The following PARG variants were observed in gnomAD, a reference collection of about 807,000 sequenced individuals.
The protein encoded by PARG is poly(ADP-ribose) glycohydrolase.
In PARG, 35 loss-of-function variants were observed where a neutral mutation model predicts 113.0. The observed-to-expected ratio is 0.31, with a 90% CI of 0.24 to 0.41. The LOEUF (loss-of-function observed/expected upper bound fraction) is 0.41, where lower values mean the gene tolerates loss of function less well. PARG is among the 10% of genes least tolerant of loss of function. The probability of loss-of-function intolerance (pLI) is 1.00; values close to 1 mark genes in which losing one functional copy is unlikely to be tolerated. For missense variants in PARG, 797 were observed against 1,169.4 expected (o/e 0.68, Z 4.64); for synonymous variants, 330 against 409.9 (o/e 0.81, Z 2.36).
chr10:49,825,331 T>C (rs1280653486), intron 16 of PARG, among the ~76,000 whole-genome samples: 2 of 152,132 alleles, frequency 1.3e-5, no homozygotes, highest in African/African-American at 2.4e-5. Context: ...ATCTCTAGAA[T>C]GGTAACTCCC....
chr10:49,906,917 A>G (rs1848618902), intron 7 of PARG, among the ~76,000 whole-genome samples: 1 of 151,862 alleles, frequency 6.6e-6, no homozygotes, highest in Admixed American at 6.6e-5. Context: ...GCATGGAAGA[A>G]GGAAAGGATT....
intron 13 of PARG, among the ~76,000 whole-genome samples, chr10:49,853,187 C>T (rs1845836895): frequency 1.3e-5 from 2 of 151,768 alleles, no homozygotes; most frequent in Non-Finnish European, 2.9e-5. Flanking sequence ...GCACCTGCCA[C>T]CAGGCCCAGC....
chr10:49,926,298 T>A (rs1443837516), intron 4 of PARG, among the ~76,000 whole-genome samples: 1 of 151,834 alleles, frequency 6.6e-6, no homozygotes, highest in Non-Finnish European at 1.5e-5. Flanking sequence ...AACCTCATCA[T>A]ATCTGAAAGC....
At chr10:49,889,388 G>A (rs1162731855) in intron 7 of PARG, among the ~76,000 whole-genome samples, 1 of 152,142 alleles carries the variant, frequency 6.6e-6, no homozygotes, top group African/African-American at 2.4e-5. Context: ...AGCAATTGAG[G>A]GTAAAAATTC....
At chr10:49,882,991 A>T (rs1847288306) in intron 8 of PARG, among the ~76,000 whole-genome samples, 2 of 149,418 alleles carry the variant, frequency 1.3e-5, no homozygotes, top group South Asian at 4.4e-4. Context: ...AACATGGAAT[A>T]TGATCAAGCA....
chr10:49,829,321 C>T (rs1387039156), intron 16 of PARG, among the ~76,000 whole-genome samples: 3 of 152,040 alleles, frequency 2.0e-5, no homozygotes, highest in African/African-American at 7.2e-5. Flanking sequence ...TGACCTTGAA[C>T]TTCAGGGCTC....
chr10:49,865,894 G>T (rs1846490769), intron 10 of PARG, among the ~76,000 whole-genome samples: 1 of 151,240 alleles, frequency 6.6e-6, no homozygotes, highest in Non-Finnish European at 1.5e-5. Context: ...GATTTAAAAA[G>T]GAAATCATTT....
At chr10:49,891,201 T>G (rs1847759817) in intron 7 of PARG, among the ~76,000 whole-genome samples, 1 of 152,124 alleles carries the variant, frequency 6.6e-6, no homozygotes, top group African/African-American at 2.4e-5. Context: ...GTGGTCCCAG[T>G]TACTCGGGAG....
intron 13 of PARG, among the ~76,000 whole-genome samples, chr10:49,846,742 GTA>G (rs1240347384): frequency 5.3e-5 from 7 of 132,280 alleles, no homozygotes; most frequent in South Asian, 2.5e-4. Flanking sequence ...ATTCACAGTT[GTA>G]TATGTGTGTG....
intron 15 of PARG, among the ~76,000 whole-genome samples, chr10:49,836,205 CTCATT>C (rs1554831070): frequency 6.6e-6 from 1 of 150,594 alleles, no homozygotes; most frequent in African/African-American, 2.4e-5. Context: ...CCTAAAGTTA[CTCATT>C]TATATGAAAT....
intron 7 of PARG, among the ~76,000 whole-genome samples, chr10:49,906,929 C>T (rs1468538183): frequency 6.6e-6 from 1 of 151,582 alleles, no homozygotes; most frequent in Non-Finnish European, 1.5e-5. Flanking sequence ...GAAAGGATTA[C>T]AAAGGGAGAC....
chr10:49,921,287 C>T (rs1554849232), intron 6 of PARG, among the ~76,000 whole-genome samples: 1 of 152,160 alleles, frequency 6.6e-6, no homozygotes, highest in Non-Finnish European at 1.5e-5. Context: ...CCATTTCTTA[C>T]CCCGTAATCC....
chr10:49,824,608 T>G (rs554116920), intron 16 of PARG, among the ~76,000 whole-genome samples: 34 of 151,988 alleles, frequency 2.2e-4, no homozygotes, highest in African/African-American at 8.0e-4. Flanking sequence ...ACAAAATGGG[T>G]AAGATGATTG....
chr10:49,920,574 G>A (rs1309899606), intron 6 of PARG, among the ~76,000 whole-genome samples: 1 of 130,378 alleles, frequency 7.7e-6, no homozygotes, highest in African/African-American at 2.9e-5. Context: ...ATATATACGT[G>A]TATATATATA....
At chr10:49,916,441 A>T (rs1554847641) in intron 6 of PARG, among the ~76,000 whole-genome samples, 1 of 152,150 alleles carries the variant, frequency 6.6e-6, no homozygotes, top group African/African-American at 2.4e-5. Context: ...TTTTTGTAAA[A>T]AATAAAAAAT....
intron 7 of PARG, among the ~76,000 whole-genome samples, chr10:49,890,638 A>G (rs868943768): frequency 2.7e-5 from 4 of 150,932 alleles, no homozygotes; most frequent in African/African-American, 9.8e-5. Flanking sequence ...GTGACTGTGG[A>G]CAGGCTATTT....
At chr10:49,823,419 T>TA (rs1844203080) in intron 16 of PARG, among the ~76,000 whole-genome samples, 2 of 152,118 alleles carry the variant, frequency 1.3e-5, no homozygotes, top group South Asian at 4.1e-4. Context: ...GACCCTAAAA[T>TA]ACCATCAAAG....
At chr10:49,906,130 C>T (rs1450210452) in intron 7 of PARG, among the ~76,000 whole-genome samples, 3 of 147,282 alleles carry the variant, frequency 2.0e-5, no homozygotes, top group Non-Finnish European at 4.5e-5. Context: ...TTCCCTGAGG[C>T]TGTGATGCTG....
At chr10:49,912,333 A>T (rs1214263327) in intron 7 of PARG, among the ~76,000 whole-genome samples, 3 of 152,060 alleles carry the variant, frequency 2.0e-5, no homozygotes, top group Admixed American at 2.0e-4. Context: ...AAAAATTGAA[A>T]ATATTGCGAA....
Sources: gnomAD v4.1 joint callset for allele counts (sites outside exome capture counted in the v4.1 genomes callset) on GRCh38, gnomAD v4.1.1 for gene constraint, MANE v1.5 for transcripts, NCBI Gene and HGNC (gene_info 2026-07-23, HGNC 2026-07-21) for gene names.